Variants in RAB38 observed in about 807,000 individuals in gnomAD.
The protein encoded by RAB38 is ras-related protein Rab-38.
A neutral mutation model predicts 18.4 loss-of-function variants in RAB38; 15 were observed. The ratio of observed to expected loss-of-function variants is 0.82; its 90% CI spans 0.55 to 1.26. The LOEUF (loss-of-function observed/expected upper bound fraction) is 1.26, where lower values mean the gene tolerates loss of function less well. Ranked by LOEUF, RAB38 falls within the 50% of genes most tolerant of loss-of-function variation. The pLI, the probability that RAB38 is intolerant of heterozygous loss-of-function variation, is 0.00. For missense variants in RAB38, 294 were observed against 267.4 expected, an observed-to-expected ratio of 1.10 and a Z score of -0.69; for synonymous variants, 101 against 104.4, an observed-to-expected ratio of 0.97 and a Z score of 0.20.
At chr11:88,084,945 T>G in the RAB38 span, among the ~76,000 whole-genome samples, 1 of 151,902 alleles carries the variant, frequency 6.6e-6, no homozygotes, top group East Asian at 1.9e-4. Context: ...AAAGGCAGAA[T>G]TAAGGTGTGA....
At chr11:87,892,302 T>A in the RAB38 span, among the ~76,000 whole-genome samples, 1 of 151,888 alleles carries the variant, frequency 6.6e-6, no homozygotes, top group African/African-American at 2.4e-5. Flanking sequence ...CAAACACATC[T>A]AACTAATTAC....
chr11:87,937,970 T>G, the RAB38 span, among the ~76,000 whole-genome samples: 4 of 152,074 alleles, frequency 2.6e-5, no homozygotes, highest in Admixed American at 2.6e-4. Context: ...GAATATCTTT[T>G]TTATTCACTT....
chr11:88,052,966 GAT>G, the RAB38 span, among the ~76,000 whole-genome samples: 2 of 81,718 alleles, frequency 2.4e-5, no homozygotes, highest in South Asian at 3.2e-4. Flanking sequence ...TGATATATAT[GAT>G]ATATATGTTA....
chr11:87,818,093 G>A, the RAB38 span, among the ~76,000 whole-genome samples: 1 of 152,128 alleles, frequency 6.6e-6, no homozygotes, highest in Non-Finnish European at 1.5e-5. Context: ...TCACCTGAAG[G>A]TCTTGTTAAA....
At chr11:87,941,668 A>G in the RAB38 span, among the ~76,000 whole-genome samples, 389 of 152,264 alleles carry the variant, frequency 2.6e-3, no homozygotes, top group African/African-American at 8.9e-3. Flanking sequence ...AGTATTTTCA[A>G]TAAGTTACAG....
the RAB38 span, among the ~76,000 whole-genome samples, chr11:88,042,233 A>G: frequency 6.6e-6 from 1 of 152,174 alleles, no homozygotes. Context: ...ATTCTCCCAA[A>G]TACGGCTATC....
the RAB38 span, among the ~76,000 whole-genome samples, chr11:87,840,638 G>A: frequency 6.6e-6 from 1 of 152,084 alleles, no homozygotes; most frequent in South Asian, 2.1e-4. Context: ...AAGAGTTTCT[G>A]TCTCATACTA....
At chr11:88,160,024 C>G (rs1943171638) in intron 1 of RAB38, among the ~76,000 whole-genome samples, 1 of 152,086 alleles carries the variant, frequency 6.6e-6, no homozygotes, top group African/African-American at 2.4e-5. Context: ...AAGAAATTAT[C>G]AACAGAGTAA....
downstream of RAB38, among the ~76,000 whole-genome samples, chr11:88,109,658 C>T (rs1291898167): frequency 6.6e-6 from 1 of 152,112 alleles, no homozygotes; most frequent in Non-Finnish European, 1.5e-5. Flanking sequence ...CTACAAACAA[C>T]TTAAACATAT....
chr11:87,933,642 A>AT, the RAB38 span, among the ~76,000 whole-genome samples: 2 of 151,680 alleles, frequency 1.3e-5, no homozygotes. Context: ...GGTGGATAAC[A>AT]TTTTTTGAGC....
chr11:87,955,371 G>T, the RAB38 span, among the ~76,000 whole-genome samples: 1 of 152,134 alleles, frequency 6.6e-6, no homozygotes, highest in East Asian at 1.9e-4. Context: ...TGCTGGAAGC[G>T]GGAGGGGTAA....
chr11:87,925,263 C>T, the RAB38 span, among the ~76,000 whole-genome samples: 1 of 152,062 alleles, frequency 6.6e-6, no homozygotes, highest in African/African-American at 2.4e-5. Context: ...TTTTCAAAGA[C>T]TTAATTCAAA....
the RAB38 span, among the ~76,000 whole-genome samples, chr11:88,028,989 G>A: frequency 7.2e-5 from 11 of 152,210 alleles, no homozygotes; most frequent in Admixed American, 1.3e-4. Context: ...GAAAGGTCGG[G>A]TTACCCTCAA....
the RAB38 span, among the ~76,000 whole-genome samples, chr11:88,104,722 TTTAC>T: frequency 2.6e-5 from 4 of 152,138 alleles, no homozygotes; most frequent in African/African-American, 9.7e-5. Flanking sequence ...CACTATTTCA[TTTAC>T]TTGTCATATT....
intron 2 of RAB38, among the ~76,000 whole-genome samples, chr11:88,126,851 G>A (rs998304824): frequency 2.0e-5 from 3 of 152,184 alleles, no homozygotes; most frequent in African/African-American, 7.2e-5. Flanking sequence ...AGGTTATTGA[G>A]GATGTGTATA....
chr11:87,917,717 A>G, the RAB38 span, among the ~76,000 whole-genome samples: 1 of 151,578 alleles, frequency 6.6e-6, no homozygotes, highest in Non-Finnish European at 1.5e-5. Context: ...GAGTCCATGC[A>G]CTCTTCTTCC....
At chr11:87,962,453 G>T in the RAB38 span, among the ~76,000 whole-genome samples, 1 of 152,072 alleles carries the variant, frequency 6.6e-6, no homozygotes, top group South Asian at 2.1e-4. Flanking sequence ...AAGTGAACCT[G>T]ACCTCAGGCA....
the RAB38 span, among the ~76,000 whole-genome samples, chr11:88,013,449 T>A: frequency 6.6e-6 from 1 of 152,150 alleles, no homozygotes; most frequent in Admixed American, 6.6e-5. Flanking sequence ...TTTTTGTTTT[T>A]TTTTGCCATT....
chr11:87,974,022 C>G, the RAB38 span, among the ~76,000 whole-genome samples: 4 of 151,846 alleles, frequency 2.6e-5, no homozygotes, highest in Non-Finnish European at 5.9e-5. Flanking sequence ...AAAACAAGCA[C>G]TTTTTAAAAA....
Sources: allele counts gnomAD v4.1 joint callset (sites outside exome capture counted in the v4.1 genomes callset), GRCh38; gene constraint gnomAD v4.1.1; transcripts MANE v1.5; gene names NCBI Gene and HGNC (gene_info 2026-07-23, HGNC 2026-07-21).